ATP5F1A: variants seen among roughly 807,000 people sequenced by gnomAD.
The protein encoded by ATP5F1A is ATP synthase F1 subunit alpha, also known as ATP synthase F(1) complex subunit alpha, mitochondrial.
In ATP5F1A, 24 loss-of-function variants were observed where a neutral mutation model predicts 57.4. The observed-to-expected ratio is 0.42, with a 90% CI of 0.30 to 0.59. The LOEUF is 0.59. ATP5F1A is among the 20% of genes least tolerant of loss of function. The probability of loss-of-function intolerance (pLI) is 0.19; values close to 1 mark genes in which losing one functional copy is unlikely to be tolerated. For synonymous variants in ATP5F1A, 251 were observed against 255.5 expected (o/e 0.98, Z 0.17); for missense variants, 494 against 707.9 (o/e 0.70, Z 3.43).
chr18:46,095,855 T>C (rs943891991), intron 1 of ATP5F1A, among the ~76,000 whole-genome samples: 1 of 142,392 alleles, frequency 7.0e-6, no homozygotes, highest in African/African-American at 2.4e-5. Context: ...AATAAATATA[T>C]ATTTACTGGG....
intron 8 of ATP5F1A, 131 bp downstream of exon 8, chr18:46,086,877 T>C: frequency 2.0e-6 from 2 of 993,648 alleles, no homozygotes; most frequent in Non-Finnish European, 3.0e-6. Flanking sequence ...AACTTTTCTA[T>C]GTATTTGAAA....
upstream of ATP5F1A, among the ~76,000 whole-genome samples, chr18:46,102,677 T>G (rs1911311799): frequency 6.6e-6 from 1 of 152,136 alleles, no homozygotes; most frequent in South Asian, 2.1e-4. Context: ...CTGGGTGTGG[T>G]GCCTCATGCT....
chr18:46,093,461 C>A (rs1910710451), intron 2 of ATP5F1A: 1 of 152,064 alleles, frequency 6.6e-6, no homozygotes, highest in African/African-American at 2.4e-5. Flanking sequence ...ATCACTCAAA[C>A]CCAGGAGGTG....
rs1599764617 is a variant in ATP5F1A at position 46,083,320 on chromosome 18, A to C, written c.*962T>G. Reference sequence around the variant, plus strand: ...CTGGGCGTGGTGGTATGTGCCTGTAACCCCAGCTACTCAGGAGGCTGAGGT... The same window carrying C: ...CTGGGCGTGGTGGTATGTGCCTGTACCCCCAGCTACTCAGGAGGCTGAGGT... On this transcript the variant is annotated 3_prime_UTR_variant, in exon 12 of 12. Coordinates refer to ENST00000398752, the MANE Select transcript of ATP5F1A (RefSeq NM_004046.6). 1 of 152,048 alleles carries C rather than the reference A, an allele frequency of 6.6e-6. No homozygotes were observed. The highest frequency in any genetic ancestry group is 2.4e-5 in the African/African-American group (1 of 41,310). The allele number at this position is 152,048 out of a possible 1,614,324, so 9.4% of individuals were successfully genotyped here.
chr18:46,103,596 C>T (rs1258997553), intron 1 of ATP5F1A, among the ~76,000 whole-genome samples: 1 of 103,738 alleles, frequency 9.6e-6, no homozygotes, highest in Non-Finnish European at 1.8e-5. Context: ...GCCTGAACAA[C>T]AGAGACTCCA....
In ATP5F1A at chr18:46,086,306, T is replaced by A. The variant is rs374914706; in HGVS notation, c.1285-49A>T. 5.3e-4 allele frequency: 849 copies of A among 1,602,068 alleles called. 1 individual carries two copies. Among genetic ancestry groups the A allele is most frequent in the Non-Finnish European group, 4.3e-4 (509 of 1,172,310 alleles). On this transcript the variant is annotated intron_variant, in intron 9 of 11. Coordinates refer to ENST00000398752, the MANE Select transcript of ATP5F1A (RefSeq NM_004046.6). ...TGTAACTCAGTGACACAGAGCACTA[T>A]ACAAATATAGTTAATATATTAATAC...
chr18:46,087,678 G>C (rs1365866836), intron 6 of ATP5F1A, 186 bp from the exon 7 acceptor site: 1 of 624,872 alleles, frequency 1.6e-6, no homozygotes, highest in Admixed American at 3.1e-5. Context: ...TCAGGAGTTC[G>C]AGACCAGCCT....
chr18:46,099,099 T>TA (rs776169575), upstream of ATP5F1A, among the ~76,000 whole-genome samples: 9 of 151,922 alleles, frequency 5.9e-5, no homozygotes, highest in African/African-American at 1.7e-4. Context: ...AACTTTAAAT[T>TA]AAAAAAAATA....
upstream of ATP5F1A, among the ~76,000 whole-genome samples, chr18:46,102,130 C>T (rs1173234115): frequency 6.7e-6 from 1 of 150,128 alleles, no homozygotes; most frequent in African/African-American, 2.5e-5. Context: ...GCCGAGATTG[C>T]TCAACTGCAC....
At position 46,084,041 on chromosome 18, in the gene ATP5F1A, A is replaced by G; in HGVS notation, c.*241T>C. 1 of 383,376 alleles carries G rather than the reference A, an allele frequency of 2.6e-6. No homozygotes were observed. Among genetic ancestry groups the G allele is most frequent in the African/African-American group, 2.1e-5 (1 of 47,020 alleles). The allele number at this position is 383,376 out of a possible 1,614,324, so 23.7% of individuals were successfully genotyped here. On this transcript the variant is annotated 3_prime_UTR_variant, in exon 12 of 12. Transcript: ENST00000398752. ...AGCTCAGCCTTGAATTATCTAGCCCAGTTGACTGTACCAATATTCAAGTAA... is the reference window on the plus strand; with the variant it reads ...AGCTCAGCCTTGAATTATCTAGCCCGGTTGACTGTACCAATATTCAAGTAA...
intron 3 of ATP5F1A, 96 bp downstream of exon 3, chr18:46,091,584 CAA>C (rs1377966351): frequency 3.8e-6 from 5 of 1,311,924 alleles, no homozygotes; most frequent in Admixed American, 2.9e-5. Flanking sequence ...CAAATTAAGA[CAA>C]AGTTTTTTAA....
At chr18:46,094,947 A>G in intron 2 of ATP5F1A, 106 bp downstream of exon 2, 1 of 1,384,098 alleles carries the variant, frequency 7.2e-7, no homozygotes, top group Non-Finnish European at 9.4e-7. Flanking sequence ...TATACAAACT[A>G]GAGAAAAAAC....
At chr18:46,093,749 G>A (rs1910732306) in intron 2 of ATP5F1A, among the ~76,000 whole-genome samples, 1 of 151,672 alleles carries the variant, frequency 6.6e-6, no homozygotes, top group Admixed American at 6.6e-5. Context: ...ACTTGAACCT[G>A]GGAGGTGGAG....
In ATP5F1A at chr18:46,098,254, G is replaced by T. The variant is rs766248208; in HGVS notation, c.-23C>A. On this transcript the variant is annotated 5_prime_UTR_variant, in exon 1 of 12. Transcript: ENST00000398752. ...CATCTTTGCAGTTACTCCGCAGGCG[G>T]TACTTCTGCAGCCGCAGCCTCCGGA... is the stretch of plus-strand genomic sequence containing the variant. The T allele has an allele frequency of 7.5e-6, 12 of 1,600,268 alleles. No homozygotes were observed. In the East Asian group the frequency reaches 8.9e-5, roughly 12 times the overall value.
chr18:46,102,007 T>G (rs1361616360), upstream of ATP5F1A, among the ~76,000 whole-genome samples: 1 of 151,864 alleles, frequency 6.6e-6, no homozygotes, highest in African/African-American at 2.4e-5. Context: ...ACCCTGTCTC[T>G]ACTAAAAGTA....
upstream of ATP5F1A, among the ~76,000 whole-genome samples, chr18:46,103,033 G>A (rs1050672179): frequency 6.6e-6 from 1 of 152,160 alleles, no homozygotes; most frequent in Non-Finnish European, 1.5e-5. Flanking sequence ...TGGGTGTGTT[G>A]GCTCACACCT....
chr18:46,095,107 A>G lies in ATP5F1A; in HGVS notation c.85T>C (p.Ser29Pro), dbSNP rs765350359. Residue 29 changes from serine (S) to proline (P), a missense_variant, in exon 2 of 12, where the codon TCT becomes CCT. By Grantham distance (74) the Ser-to-Pro change is moderately conservative (BLOSUM62 -1). This residue lies in a region of ATP5F1A where 142 missense variants were observed against 137.5 expected (regional missense o/e 1.03). Transcript: ENST00000398752. Reference sequence around the variant, plus strand: ...TGGAAGTTCCTTGCAGCAATGAAAGATGAACCCAAAGCATTTCTGGAGACC... The same window carrying G: ...TGGAAGTTCCTTGCAGCAATGAAAGGTGAACCCAAAGCATTTCTGGAGACC... ...GLVSRNALGSSFIAARNFHAS... is the reference protein window; with the variant it reads ...GLVSRNALGSPFIAARNFHAS... The G allele has an allele frequency of 3.7e-6, 6 of 1,613,746 alleles. No individual in the cohort carries two copies. The highest frequency in any genetic ancestry group is 5.1e-6 in the Non-Finnish European group (6 of 1,179,902).
intron 3 of ATP5F1A, 25 bp downstream of exon 3, chr18:46,091,657 A>G: frequency 6.4e-7 from 1 of 1,555,982 alleles, no homozygotes; most frequent in Non-Finnish European, 8.7e-7. Context: ...ATCCTAAAAC[A>G]CCAAAATCTT....
At chr18:46,096,785 C>T (rs2144218991) in intron 1 of ATP5F1A, among the ~76,000 whole-genome samples, 1 of 151,256 alleles carries the variant, frequency 6.6e-6, no homozygotes, top group East Asian at 2.1e-4. Context: ...AGTTCAAGAC[C>T]AGCCTAGCCA....
Sources: gnomAD v4.1 joint callset for allele counts (sites outside exome capture counted in the v4.1 genomes callset) on GRCh38, gnomAD v4.1.1 for gene constraint, gnomAD v4.1.1 regional missense constraint, MANE v1.5 for transcripts, NCBI Gene and HGNC (gene_info 2026-07-23, HGNC 2026-07-21) for gene names.